ABL1: variants seen among roughly 807,000 people sequenced by gnomAD.
The protein encoded by ABL1 is tyrosine-protein kinase ABL1.
In ABL1, 11 loss-of-function variants were observed where a neutral mutation model predicts 94.7. That is an observed-to-expected ratio of 0.12 (90% confidence interval 0.07 to 0.19). The LOEUF (loss-of-function observed/expected upper bound fraction) is 0.19, where lower values mean the gene tolerates loss of function less well. ABL1 is among the 10% of genes least tolerant of loss of function. The pLI, the probability that ABL1 is intolerant of heterozygous loss-of-function variation, is 1.00. For synonymous variants in ABL1, 656 were observed against 622.4 expected (o/e 1.05, Z -0.80); for missense variants, 1,082 against 1,489.4 (o/e 0.73, Z 4.50).
At chr9:130,749,695 C>G (rs1192066311) in intron 1 of ABL1, among the ~76,000 whole-genome samples, 2 of 152,162 alleles carry the variant, frequency 1.3e-5, no homozygotes, top group Non-Finnish European at 2.9e-5. Context: ...TTTCTTTGCT[C>G]TCTCCCAGGT....
At chr9:130,821,223 C>T (rs1241107367) in intron 1 of ABL1, among the ~76,000 whole-genome samples, 1 of 152,184 alleles carries the variant, frequency 6.6e-6, no homozygotes, top group Non-Finnish European at 1.5e-5. Context: ...AGCCACCGCA[C>T]CTGGCCCCAC....
intron 4 of ABL1, among the ~76,000 whole-genome samples, chr9:130,869,705 G>T (rs1831220837): frequency 6.6e-6 from 1 of 152,194 alleles, no homozygotes; most frequent in Non-Finnish European, 1.5e-5. Context: ...TATATAAAGA[G>T]AATTTTCTTC....
At chr9:130,741,804 C>G (rs1265600674) in intron 1 of ABL1, among the ~76,000 whole-genome samples, 1 of 152,224 alleles carries the variant, frequency 6.6e-6, no homozygotes, top group East Asian at 1.9e-4. Flanking sequence ...TACCTGTCCT[C>G]AAGCATTTCC....
intron 1 of ABL1, among the ~76,000 whole-genome samples, chr9:130,819,617 C>T (rs1173277099): frequency 7.0e-6 from 1 of 143,476 alleles, no homozygotes; most frequent in African/African-American, 2.6e-5. Flanking sequence ...GAGCTCACTG[C>T]AACCTCCGCC....
rs2133038891 is a variant in ABL1, at chr9:130,885,126, G to A, written c.2836G>A (p.Ala946Thr). Residue 946 changes from alanine to threonine, a missense_variant, in exon 11 of 11, where the codon GCC becomes ACC. This residue lies in a region of ABL1 where 780 missense variants were observed against 835.8 expected (regional missense o/e 0.93). Coordinates refer to ENST00000318560, the MANE Select transcript of ABL1 (RefSeq NM_005157.6). Reference sequence around the variant, plus strand: ...GGTTGATGCTGTGAACAGTGACGCTGCCAAGCCCAGCCAGCCGGGAGAGGG... The same window carrying A: ...GGTTGATGCTGTGAACAGTGACGCTACCAAGCCCAGCCAGCCGGGAGAGGG... ...SLVDAVNSDA[A>T]KPSQPGEGLK... 3 of 1,612,512 alleles carry A rather than the reference G, an allele frequency of 1.9e-6. No individual in the cohort carries two copies. The highest frequency in any genetic ancestry group is 1.7e-6 in the Non-Finnish European group (2 of 1,179,718).
At chr9:130,871,363 A>C (rs1028354291) in intron 4 of ABL1, among the ~76,000 whole-genome samples, 1 of 152,210 alleles carries the variant, frequency 6.6e-6, no homozygotes, top group Admixed American at 6.5e-5. Flanking sequence ...AAAAGATGAG[A>C]GGACCTGTAG....
Position 130,887,352 on chromosome 9 carries a change from A to G in ABL1, c.*1669A>G, listed in dbSNP as rs967197649. The G allele has an allele frequency of 7.3e-5, 17 of 233,202 alleles. No individual in the cohort carries two copies. The highest frequency in any genetic ancestry group is 3.7e-4 in the African/African-American group (17 of 45,356). 14.4% of individuals were successfully genotyped at this position (233,202 alleles called of 1,614,324 possible). A position where few individuals can be genotyped will look rare whatever the true frequency, so the allele number is the denominator to read the frequency against. On this transcript the variant is annotated 3_prime_UTR_variant, in exon 11 of 11. Coordinates refer to ENST00000318560, the MANE Select transcript of ABL1 (RefSeq NM_005157.6). ...AGCCGGAGGGAGGCACTAGTCACCG[A>G]CAGCGGCCTTGAAGACAGAGCAAAG...
chr9:130,834,739 T>C, upstream of ABL1: 1 of 403,644 alleles, frequency 2.5e-6, no homozygotes. Flanking sequence ...TGCGCACGTG[T>C]GGTTGTCCTG....
At position 130,822,439 on chromosome 9, in the gene ABL1, CT is replaced by C. The variant is rs35922505; in HGVS notation, c.137-31601del. On this transcript the variant is annotated intron_variant, in intron 1 of 10. Transcript: ENST00000372348. ...GTCTGCCTACCTATCCCCGCCCCTG[CT>C]TTTTTTTTTTTTTTTTTTTTTTTAA... 7.7e-3 allele frequency among the ~76,000 whole-genome samples: 802 copies of C among 104,408 alleles called. 5 individuals carry two copies. Among genetic ancestry groups the C allele is most frequent in the African/African-American group, 0.02 (510 of 26,022 alleles). The allele number at this position is 104,408 out of a possible 152,430, so 68.5% of individuals were successfully genotyped here.
chr9:130,872,257 C>T lies in ABL1; in HGVS notation c.907+44C>T. On this transcript the variant is annotated intron_variant, in intron 5 of 10. Transcript: ENST00000318560. The surrounding 1 kb of genome is among the most constrained non-coding windows in gnomAD (Gnocchi z 5.0). ...CTGAAGAGAGGGTCTCGCGCCGCAC[C>T]CCCAGGGTGACACAGGCGCTGGGGA... 6.4e-7 allele frequency: 1 copy of T among 1,569,780 alleles called. No homozygotes were observed. Among genetic ancestry groups the T allele is most frequent in the Admixed American group, 1.7e-5 (1 of 58,500 alleles).
chr9:130,867,058 AT>A (rs1309616959), intron 4 of ABL1, among the ~76,000 whole-genome samples: 8 of 152,220 alleles, frequency 5.3e-5, no homozygotes, highest in Non-Finnish European at 1.2e-4. Flanking sequence ...TCTCTAAGTA[AT>A]AGAATTTGGA....
At chr9:130,794,588 G>A (rs1433563269) in intron 1 of ABL1, among the ~76,000 whole-genome samples, 1 of 152,118 alleles carries the variant, frequency 6.6e-6, no homozygotes, top group Non-Finnish European at 1.5e-5. Flanking sequence ...AAAATGATTA[G>A]TGGCTGCATT....
chr9:130,736,967 G>C (rs1831752350), intron 1 of ABL1, among the ~76,000 whole-genome samples: 1 of 152,146 alleles, frequency 6.6e-6, no homozygotes, highest in East Asian at 1.9e-4. Context: ...ATGTCACAAG[G>C]AACTGCCCTA....
At chr9:130,723,678 C>A (rs1831543186) in intron 1 of ABL1, among the ~76,000 whole-genome samples, 1 of 152,104 alleles carries the variant, frequency 6.6e-6, no homozygotes, top group Admixed American at 6.6e-5. Context: ...TAACTTCTGC[C>A]CTTGTAACTC....
At chr9:130,838,819 C>G (rs1830626732) in intron 1 of ABL1, among the ~76,000 whole-genome samples, 1 of 152,094 alleles carries the variant, frequency 6.6e-6, no homozygotes, top group Admixed American at 6.5e-5. Flanking sequence ...TACATTGTGC[C>G]TGAATATTGT....
At position 130,837,340 on chromosome 9, in the gene ABL1, G is replaced by A. The variant is rs62580062; in HGVS notation, c.79+1815G>A. 3.9e-3 allele frequency among the ~76,000 whole-genome samples: 599 copies of A among 152,232 alleles called. 5 individuals are homozygous for A. Among genetic ancestry groups the A allele is most frequent in the African/African-American group, 0.014 (562 of 41,528 alleles). On this transcript the variant is annotated intron_variant, in intron 1 of 10. Coordinates refer to ENST00000318560, the MANE Select transcript of ABL1 (RefSeq NM_005157.6). ...ATCATCATCTCCACTTTGCAGATGG[G>A]TGCCTAAGGCGGGGATGAATGGACT...
chr9:130,868,786 G>T (rs1372891105), intron 4 of ABL1, among the ~76,000 whole-genome samples: 1 of 151,960 alleles, frequency 6.6e-6, no homozygotes, highest in Non-Finnish European at 1.5e-5. Flanking sequence ...CCCCAGAGAG[G>T]CCAAGCCATT....
At chr9:130,722,830 C>T (rs778655642) in intron 1 of ABL1, among the ~76,000 whole-genome samples, 2 of 151,958 alleles carry the variant, frequency 1.3e-5, no homozygotes, top group Non-Finnish European at 2.9e-5. Flanking sequence ...ATGATTTGAC[C>T]AAAAGAGTTT....
rs760010098 is a variant in ABL1, at chr9:130,862,486, C to T, written c.550-277C>T. ...TGGAACGGGAAGCGAGAACTGGGCA[C>T]GGAAGATGAGGGAGTGGGAGATTTC... On this transcript the variant is annotated intron_variant, in intron 3 of 10. Coordinates refer to ENST00000318560, the MANE Select transcript of ABL1 (RefSeq NM_005157.6). The surrounding 1 kb of genome is among the most constrained non-coding windows in gnomAD (Gnocchi z 5.5). 8.5e-5 allele frequency among the ~76,000 whole-genome samples: 13 copies of T among 152,088 alleles called. No individual in the cohort carries two copies. Among genetic ancestry groups the T allele is most frequent in the East Asian group, 1.9e-4 (1 of 5,198 alleles).
Sources: gnomAD v4.1 joint callset for allele counts (sites outside exome capture counted in the v4.1 genomes callset) on GRCh38, gnomAD v4.1.1 for gene constraint, gnomAD v4.1.1 regional missense constraint, Gnocchi (gnomAD v3.1) non-coding constraint, MANE v1.5 for transcripts, NCBI Gene and HGNC (gene_info 2026-07-23, HGNC 2026-07-21) for gene names.